The following PMEPA1 variants were observed in gnomAD, a reference collection of about 807,000 sequenced individuals.
PMEPA1 encodes the protein protein TMEPAI.
PMEPA1 carries 11 observed loss-of-function variants against 23.0 expected under a neutral mutation model. That is an observed-to-expected ratio of 0.48 (90% CI 0.30 to 0.79). PMEPA1 has a LOEUF of 0.79. Among genes scored for constraint, PMEPA1 ranks in the 30% least tolerant of loss-of-function variants. The pLI is 0.06. For synonymous variants in PMEPA1, 204 were observed against 166.4 expected (o/e 1.23, Z -1.74); for missense variants, 377 against 390.9 (o/e 0.96, Z 0.30).
chr20:57,654,259 T>C (rs898543396), intron 2 of PMEPA1, among the ~76,000 whole-genome samples: 1 of 151,980 alleles, frequency 6.6e-6, no homozygotes, highest in East Asian at 1.9e-4. Context: ...TGCAAATAAA[T>C]GGACATATTC....
intron 1 of PMEPA1, among the ~76,000 whole-genome samples, chr20:57,699,124 G>GA (rs1237550204): frequency 6.6e-6 from 1 of 152,184 alleles, no homozygotes; most frequent in Non-Finnish European, 1.5e-5. Context: ...GGCTCGAACC[G>GA]AATCTTGTTG....
At position 57,649,681 on chromosome 20, in the gene PMEPA1, G is replaced by A. The variant is rs2071196127; in HGVS notation, c.*2372C>T. On this transcript the variant is annotated 3_prime_UTR_variant, in exon 4 of 4. Transcript: ENST00000341744. The stretch of plus-strand genomic sequence containing the variant: ...TAGATGGGAGTCGTGTACAAACCTT[G>A]GCAAAAAAAGGTTGGAGGAGCAGGA... 1 of 152,144 alleles carries A rather than the reference G, an allele frequency of 6.6e-6. No individual in the cohort carries two copies. The highest frequency in any genetic ancestry group is 1.5e-5 in the Non-Finnish European group (1 of 67,984). 9.4% of individuals were successfully genotyped at this position (152,144 alleles called of 1,614,324 possible).
intron 1 of PMEPA1, among the ~76,000 whole-genome samples, chr20:57,705,695 G>A (rs1037897082): frequency 6.6e-6 from 1 of 152,218 alleles, no homozygotes; most frequent in South Asian, 2.1e-4. Flanking sequence ...TCCTGGCAAC[G>A]CAGATGCTGC....
chr20:57,654,662 A>G (rs865800567), intron 2 of PMEPA1, among the ~76,000 whole-genome samples: 7 of 152,070 alleles, frequency 4.6e-5, no homozygotes, highest in Middle Eastern at 3.4e-3. Flanking sequence ...TTCTCCTTCT[A>G]TTAGACAGTT....
upstream of PMEPA1, chr20:57,710,420 A>G: frequency 6.3e-7 from 1 of 1,595,650 alleles, no homozygotes; most frequent in Non-Finnish European, 8.5e-7. Flanking sequence ...CAGGGAAGAG[A>G]AATTGGAGAA....
chr20:57,656,823 C>T lies in PMEPA1; in HGVS notation c.264+2720G>A, dbSNP rs1190422974. ...AAGGGGCCATGGTCGGATAGCCATG[C>T]CAGGGGCAGAGCATGGATGGGCTGG... On this transcript the variant is annotated intron_variant, in intron 2 of 3. Transcript: ENST00000341744. The surrounding 1 kb of genome is among the most constrained non-coding windows in gnomAD (Gnocchi z 4.7). 6.6e-6 allele frequency among the ~76,000 whole-genome samples: 1 copy of T among 152,212 alleles called. No individual in the cohort carries two copies. Among genetic ancestry groups the T allele is most frequent in the Non-Finnish European group, 1.5e-5 (1 of 68,034 alleles).
In PMEPA1 at chr20:57,650,408, C is replaced by T. The variant is rs537336300; in HGVS notation, c.*1645G>A. On this transcript the variant is annotated 3_prime_UTR_variant, in exon 4 of 4. Coordinates refer to ENST00000341744, the MANE Select transcript of PMEPA1 (RefSeq NM_020182.5). ...GACGTCAAGCTCCAGCCACTGGCCCCGGTGGGTCCCAAAGCCCCACCCCTC... is the reference window on the plus strand; with the variant it reads ...GACGTCAAGCTCCAGCCACTGGCCCTGGTGGGTCCCAAAGCCCCACCCCTC... 1 of 152,354 alleles carries T rather than the reference C, an allele frequency of 6.6e-6. No homozygotes were observed. Among genetic ancestry groups the T allele is most frequent in the East Asian group, 1.9e-4 (1 of 5,170 alleles). 9.4% of individuals were successfully genotyped at this position (152,354 alleles called of 1,614,324 possible).
At chr20:57,707,773 G>A (rs1267886536) in intron 1 of PMEPA1, among the ~76,000 whole-genome samples, 1 of 152,044 alleles carries the variant, frequency 6.6e-6, no homozygotes, top group Non-Finnish European at 1.5e-5. Context: ...CCTCAAGGCA[G>A]CTTTACAGAG....
intron 1 of PMEPA1, among the ~76,000 whole-genome samples, chr20:57,660,981 C>T (rs1165960571): frequency 6.6e-6 from 1 of 151,718 alleles, no homozygotes; most frequent in Admixed American, 6.6e-5. Flanking sequence ...CACACGTGCC[C>T]ACACACACAC....
intron 1 of PMEPA1, among the ~76,000 whole-genome samples, chr20:57,705,881 C>A (rs1464267334): frequency 1.3e-5 from 2 of 152,140 alleles, no homozygotes; most frequent in African/African-American, 2.4e-5. Context: ...CACAGGACGG[C>A]CTTTCCTGCC....
intron 1 of PMEPA1, among the ~76,000 whole-genome samples, chr20:57,691,021 C>T (rs767157452): frequency 3.3e-5 from 5 of 152,200 alleles, no homozygotes; most frequent in Non-Finnish European, 7.3e-5. Flanking sequence ...CTCCTCGTCC[C>T]TACCGGCCCC....
chr20:57,705,863 T>C (rs2072077263), intron 1 of PMEPA1, among the ~76,000 whole-genome samples: 1 of 152,128 alleles, frequency 6.6e-6, no homozygotes. Flanking sequence ...TGGTAACACC[T>C]TACAGAGCAC....
rs145658812 is a variant in PMEPA1, at chr20:57,682,280, G to C, written c.110-22583C>G. Among the ~76,000 whole-genome samples the C allele has an allele frequency of 5.8e-4, 88 of 152,356 alleles. 1 individual carries two copies. The highest frequency in any genetic ancestry group is 2.1e-3 in the African/African-American group (88 of 41,584). On this transcript the variant is annotated intron_variant, in intron 1 of 3. Coordinates refer to ENST00000341744, the MANE Select transcript of PMEPA1 (RefSeq NM_020182.5). The surrounding 1 kb of genome is among the most constrained non-coding windows in gnomAD (Gnocchi z 4.4). ...CAGTGGGAATGAAGGCTTGAGCTGA[G>C]TGTGAATGGTGCTCAGAGCGGGGGA...
upstream of PMEPA1, chr20:57,710,232 C>T: frequency 1.9e-6 from 1 of 535,824 alleles, no homozygotes. Flanking sequence ...CTCTCCCCAA[C>T]GGCGGTCAGC....
chr20:57,682,482 C>T lies in PMEPA1; in HGVS notation c.110-22785G>A, dbSNP rs548284569. Among the ~76,000 whole-genome samples, 3 of 152,180 alleles carry T rather than the reference C, an allele frequency of 2.0e-5. No individual in the cohort carries two copies. Among genetic ancestry groups the T allele is most frequent in the Non-Finnish European group, 4.4e-5 (3 of 68,030 alleles). On this transcript the variant is annotated intron_variant, in intron 1 of 3. Transcript: ENST00000341744. The surrounding 1 kb of genome is among the most constrained non-coding windows in gnomAD (Gnocchi z 4.4). ...CCCTGGAGTGTCGGGGTCCTAGGCG[C>T]CGGCCCAGAGGAGTTTCAAAGTCAG...
intron 2 of PMEPA1, 41 bp downstream of exon 2, chr20:57,659,502 G>A (rs377377232): frequency 1.2e-4 from 195 of 1,600,548 alleles, no homozygotes; most frequent in Non-Finnish European, 1.5e-4. Context: ...GCGTCCCACT[G>A]CCGCACCCTC....
rs979413358 is a variant in PMEPA1, at chr20:57,656,907, C to T, written c.264+2636G>A. 1.3e-5 allele frequency among the ~76,000 whole-genome samples: 2 copies of T among 152,158 alleles called. No homozygotes were observed. Among genetic ancestry groups the T allele is most frequent in the East Asian group, 3.9e-4 (2 of 5,188 alleles). On this transcript the variant is annotated intron_variant, in intron 2 of 3. Coordinates refer to ENST00000341744, the MANE Select transcript of PMEPA1 (RefSeq NM_020182.5). This position sits in a 1 kb window ranked among gnomAD's most constrained non-coding sequence, Gnocchi z 4.7. ...CTGTATGTGGATCTCTATGGAAGGCCGCGGGGCCCAGGGACTCCTGTCTGG... is the reference window on the plus strand; with the variant it reads ...CTGTATGTGGATCTCTATGGAAGGCTGCGGGGCCCAGGGACTCCTGTCTGG...
rs560859466 is a variant in PMEPA1, at chr20:57,704,441, C to T, written c.109+5033G>A. Among the ~76,000 whole-genome samples the T allele has an allele frequency of 9.2e-5, 14 of 152,324 alleles. No individual in the cohort carries two copies. The highest frequency in any genetic ancestry group is 6.5e-4 in the Admixed American group (10 of 15,304). On this transcript the variant is annotated intron_variant, in intron 1 of 3. Coordinates refer to ENST00000341744, the MANE Select transcript of PMEPA1 (RefSeq NM_020182.5). The surrounding 1 kb of genome is among the most constrained non-coding windows in gnomAD (Gnocchi z 4.6). The stretch of plus-strand genomic sequence containing the variant: ...ACGTGCCCCAACCATGCGTGCGTTA[C>T]GCAACACTTTGTAAAAAGCAAAAAA...
Position 57,652,650 on chromosome 20 carries a change from T to C in PMEPA1, c.319-52A>G. ...GAGGGCGGCTGTCTCAGGTGGGTTG[T>C]CCAGAAGCGATCCTGAGACTGGAGT... On this transcript the variant is annotated intron_variant, in intron 3 of 3. Coordinates refer to ENST00000341744, the MANE Select transcript of PMEPA1 (RefSeq NM_020182.5). The surrounding 1 kb of genome is among the most constrained non-coding windows in gnomAD (Gnocchi z 6.1). The C allele has an allele frequency of 7.3e-7, 1 of 1,365,372 alleles. No homozygotes were observed. The highest frequency in any genetic ancestry group is 2.5e-5 in the East Asian group (1 of 39,620). 84.6% of individuals were successfully genotyped at this position (1,365,372 alleles called of 1,614,324 possible). A position where few individuals can be genotyped will look rare whatever the true frequency, so the allele number is the denominator to read the frequency against.
Sources: gnomAD v4.1 joint callset for allele counts (sites outside exome capture counted in the v4.1 genomes callset) on GRCh38, gnomAD v4.1.1 for gene constraint, Gnocchi (gnomAD v3.1) non-coding constraint, MANE v1.5 for transcripts, NCBI Gene and HGNC (gene_info 2026-07-23, HGNC 2026-07-21) for gene names.